Variants in CNKSR2 observed in about 807,000 individuals in gnomAD.
CNKSR2 encodes connector enhancer of kinase suppressor of Ras 2, also known as CNK homolog protein 2.
Under a neutral mutation model 84.4 loss-of-function variants are expected in CNKSR2, and 14 were observed. The observed-to-expected ratio is 0.17, with a 90% CI of 0.11 to 0.26. The LOEUF (loss-of-function observed/expected upper bound fraction) is 0.26, where lower values mean the gene tolerates loss of function less well. CNKSR2 is among the 10% of genes least tolerant of loss of function. The probability of loss-of-function intolerance (pLI) is 1.00; values close to 1 mark genes in which losing one functional copy is unlikely to be tolerated. For synonymous variants in CNKSR2, 275 were observed against 277.9 expected (o/e 0.99, Z 0.10); for missense variants, 485 against 771.2 (o/e 0.63, Z 4.40).
intron 13 of CNKSR2, among the ~76,000 whole-genome samples, chrX:21,563,834 A>T (rs913505080): frequency 9.0e-6 from 1 of 111,508 alleles, no homozygotes; most frequent in Non-Finnish European, 1.9e-5. Flanking sequence ...ATTATTTTCT[A>T]GACATGGAGA....
In CNKSR2 at chrX:21,529,659, A is replaced by G. The variant is rs753335160; in HGVS notation, c.1092-2197A>G. ...AACACACTGAGTTCTCCAGGGACTC[A>G]TGACGTGAATATATACATTAACACA... On this transcript the variant is annotated intron_variant, in intron 10 of 21. Coordinates refer to ENST00000379510, the MANE Select transcript of CNKSR2 (RefSeq NM_014927.5). Among the ~76,000 whole-genome samples, 17 of 110,757 alleles carry G rather than the reference A, an allele frequency of 1.5e-4. No individual in the cohort carries two copies. In the South Asian group the frequency reaches 5.7e-3, roughly 37 times the overall value.
At chrX:21,527,072 T>G (rs912039815) in intron 10 of CNKSR2, 72 bp downstream of exon 10, 1 of 953,513 alleles carries the variant, frequency 1.0e-6, no homozygotes, top group Non-Finnish European at 1.5e-6. Flanking sequence ...AACTGCAAAG[T>G]CAATTCTGAA....
intron 1 of CNKSR2, among the ~76,000 whole-genome samples, chrX:21,383,276 C>A (rs1010521728): frequency 8.9e-6 from 1 of 112,307 alleles, no homozygotes; most frequent in Non-Finnish European, 1.9e-5. Flanking sequence ...ATCATTAATT[C>A]TAATGGAAGT....
Position 21,458,184 on chromosome X carries a change from C to T in CNKSR2, c.520-12582C>T, listed in dbSNP as rs761189838. Among the ~76,000 whole-genome samples, 13 of 112,353 alleles carry T rather than the reference C, an allele frequency of 1.2e-4. No individual in the cohort carries two copies. In the South Asian group the frequency reaches 4.4e-3, roughly 38 times the overall value. On this transcript the variant is annotated intron_variant, in intron 4 of 21. Transcript: ENST00000379510. ...CTAACACCACAGTAACCACTAGCTGCATTTGGATATTGAAATGTAAATTTA... is the reference window on the plus strand; with the variant it reads ...CTAACACCACAGTAACCACTAGCTGTATTTGGATATTGAAATGTAAATTTA...
In CNKSR2 at chrX:21,532,001, T is replaced by C; in HGVS notation, c.1237T>C (p.Tyr413His). ...FNIVEEDTVL[Y>H]CYEYEKGRSS... is the part of the protein sequence containing the mutation. Reference sequence around the variant, plus strand: ...TATTGTCGAAGAAGATACTGTCTTATATTGCTATGAATATGAAAAAGGAAG... The same window carrying C: ...TATTGTCGAAGAAGATACTGTCTTACATTGCTATGAATATGAAAAAGGAAG... Residue 413 changes from tyrosine (Y) to histidine (H), a missense_variant, in exon 11 of 22, where the codon TAT (tyrosine) becomes CAT (histidine). By Grantham distance (83) the Tyr-to-His change is moderately conservative. Coordinates refer to ENST00000379510, the MANE Select transcript of CNKSR2 (RefSeq NM_014927.5). The C allele has an allele frequency of 1.7e-6, 2 of 1,203,953 alleles. No individual in the cohort carries two copies. The highest frequency in any genetic ancestry group is 3.5e-5 in the African/African-American group (2 of 57,507).
intron 5 of CNKSR2, among the ~76,000 whole-genome samples, chrX:21,490,233 T>C (rs973076728): frequency 1.8e-5 from 2 of 111,696 alleles, no homozygotes; most frequent in African/African-American, 6.5e-5. Flanking sequence ...AACTAATGAA[T>C]ATTTTGGCAT....
Position 21,384,164 on chromosome X carries a change from T to A in CNKSR2, c.64+9203T>A, listed in dbSNP as rs747543941. ...GATGCTCAAAACAGACATATAGTAG[T>A]CCAGTGGCTAGTTTTCCTCCTGGCC... is the stretch of plus-strand genomic sequence containing the variant. On this transcript the variant is annotated intron_variant, in intron 1 of 21. Transcript: ENST00000379510. 9.8e-5 allele frequency among the ~76,000 whole-genome samples: 11 copies of A among 111,935 alleles called. No individual in the cohort carries two copies. The East Asian group carries it at 3.1e-3, about 31-fold the overall frequency.
At chrX:21,520,479 GA>G (rs11448046) in intron 9 of CNKSR2, among the ~76,000 whole-genome samples, 3 of 105,320 alleles carry the variant, frequency 2.8e-5, no homozygotes, top group East Asian at 2.9e-4. Flanking sequence ...CTAATTCAAT[GA>G]AAAAAAAACA....
chrX:21,395,011 G>A (rs902896927), intron 1 of CNKSR2, among the ~76,000 whole-genome samples: 2 of 111,854 alleles, frequency 1.8e-5, no homozygotes, highest in Non-Finnish European at 3.8e-5. Flanking sequence ...GTGGTACTTG[G>A]ATTGAGGACA....
At chrX:21,443,867 A>T (rs1312866108) in intron 4 of CNKSR2, among the ~76,000 whole-genome samples, 1 of 111,632 alleles carries the variant, frequency 9.0e-6, no homozygotes, top group East Asian at 2.8e-4. Flanking sequence ...TTTTTGATGG[A>T]CAGCCTCCTT....
chrX:21,613,372 A>G (rs1455262417), intron 20 of CNKSR2, among the ~76,000 whole-genome samples: 1 of 111,862 alleles, frequency 8.9e-6, no homozygotes, highest in African/African-American at 3.3e-5. Context: ...TCCCCTAAGC[A>G]ATTATAAGGG....
At position 21,532,472 on chromosome X, in the gene CNKSR2, A is replaced by G. The variant is rs890805735; in HGVS notation, c.1303+405A>G. Reference sequence around the variant, plus strand: ...TATCTCCATATTCCTCAGGGATTTTAAGAAATATAATTTTCTCGAGAAATT... The same window carrying G: ...TATCTCCATATTCCTCAGGGATTTTGAGAAATATAATTTTCTCGAGAAATT... On this transcript the variant is annotated intron_variant, in intron 11 of 21. Transcript: ENST00000379510. Among the ~76,000 whole-genome samples, 5 of 110,625 alleles carry G rather than the reference A, an allele frequency of 4.5e-5. No homozygotes were observed. The East Asian group carries it at 1.4e-3, about 31-fold the overall frequency.
intron 8 of CNKSR2, among the ~76,000 whole-genome samples, chrX:21,510,358 A>T (rs925707841): frequency 9.9e-5 from 10 of 100,512 alleles, no homozygotes; most frequent in East Asian, 2.9e-4. Flanking sequence ...GAAAAAAGGT[A>T]AAAAAAAAGG....
chrX:21,552,495 C>A (rs182414976), intron 11 of CNKSR2, among the ~76,000 whole-genome samples: 5 of 111,782 alleles, frequency 4.5e-5, no homozygotes, highest in Non-Finnish European at 7.5e-5. Flanking sequence ...AAGACTTTTG[C>A]AGCTCTTCTT....
At chrX:21,642,475 C>T in intron 20 of CNKSR2, 1 of 751,144 alleles carries the variant, frequency 1.3e-6, no homozygotes, top group Non-Finnish European at 1.6e-6. Context: ...TACTATGTAA[C>T]TGGGTCCCCT....
In CNKSR2 at chrX:21,374,891, C is replaced by T; in HGVS notation, c.-7C>T. ...TCTGCGCTCTGCACGGAACCGACCC[C>T]GTACCCATGGCTCTGATAATGGAAC... On this transcript the variant is annotated 5_prime_UTR_variant, in exon 1 of 22. Coordinates refer to ENST00000379510, the MANE Select transcript of CNKSR2 (RefSeq NM_014927.5). 2.5e-6 allele frequency: 3 copies of T among 1,207,979 alleles called. No individual in the cohort carries two copies. The highest frequency in any genetic ancestry group is 3.4e-6 in the Non-Finnish European group (3 of 891,663).
At chrX:21,562,085 C>T (rs1221808864) in intron 12 of CNKSR2, among the ~76,000 whole-genome samples, 1 of 108,638 alleles carries the variant, frequency 9.2e-6, no homozygotes, top group Non-Finnish European at 1.9e-5. Flanking sequence ...GAGTTATCTT[C>T]TTACATGGGG....
chrX:21,553,427 C>T (rs1331560514), intron 11 of CNKSR2, among the ~76,000 whole-genome samples: 1 of 108,857 alleles, frequency 9.2e-6, no homozygotes, highest in East Asian at 2.9e-4. Context: ...GAGTATTAAC[C>T]TGTGTGCTGT....
At chrX:21,452,598 G>C (rs1373680649) in intron 4 of CNKSR2, among the ~76,000 whole-genome samples, 1 of 110,647 alleles carries the variant, frequency 9.0e-6, no homozygotes, top group Non-Finnish European at 1.9e-5. Context: ...TCATTGTGAA[G>C]TAAAAGACTA....
Sources: allele counts gnomAD v4.1 joint callset (sites outside exome capture counted in the v4.1 genomes callset), GRCh38; gene constraint gnomAD v4.1.1; transcripts MANE v1.5; gene names NCBI Gene and HGNC (gene_info 2026-07-23, HGNC 2026-07-21).